PLXNA2: variants seen among roughly 807,000 people sequenced by gnomAD.
The protein encoded by PLXNA2 is plexin-A2.
In PLXNA2, 91 loss-of-function variants were observed where a neutral mutation model predicts 193.5. That is an observed-to-expected ratio of 0.47 (90% CI 0.40 to 0.56). The LOEUF is 0.56. Among genes scored for constraint, PLXNA2 ranks in the 20% least tolerant of loss-of-function variants. The probability of loss-of-function intolerance (pLI) is 0.00; values close to 1 mark genes in which losing one functional copy is unlikely to be tolerated. For missense variants in PLXNA2, 1,995 were observed against 2,503.2 expected, an observed-to-expected ratio of 0.80 and a Z score of 4.33; for synonymous variants, 997 against 1,027.3, an observed-to-expected ratio of 0.97 and a Z score of 0.56.
At chr1:208,032,262 C>T (rs1664527287) in intron 28 of PLXNA2, 1 of 408,268 alleles carries the variant, frequency 2.4e-6, no homozygotes, top group Non-Finnish European at 3.3e-6. Flanking sequence ...AGGGTCTAGA[C>T]TCAAGAACCA....
intron 4 of PLXNA2, among the ~76,000 whole-genome samples, chr1:208,105,135 G>T (rs992736509): frequency 1.6e-4 from 24 of 152,222 alleles, no homozygotes; most frequent in Non-Finnish European, 2.9e-4. Context: ...GAGAGGCGTT[G>T]CTCAACCAGA....
chr1:208,071,965 A>C (rs564994998), intron 12 of PLXNA2, among the ~76,000 whole-genome samples: 26 of 152,310 alleles, frequency 1.7e-4, no homozygotes, highest in African/African-American at 6.3e-4. Flanking sequence ...AAACAGTTTC[A>C]CAAATGCATT....
In PLXNA2 at chr1:208,152,681, A is replaced by G. The variant is rs77479511; in HGVS notation, c.1372-10218T>C. Among the ~76,000 whole-genome samples, 215 of 63,814 alleles carry G rather than the reference A, an allele frequency of 3.4e-3. 2 individuals carry two copies. Among genetic ancestry groups the G allele is most frequent in the Non-Finnish European group, 5.4e-3 (126 of 23,358 alleles). 41.9% of individuals were successfully genotyped at this position (63,814 alleles called of 152,430 possible). On this transcript the variant is annotated intron_variant, in intron 3 of 31. Transcript: ENST00000367033. Reference sequence around the variant, plus strand: ...CATGCATACACATACACACACACACACGCACACACACACACACACACACAC... The same window carrying G: ...CATGCATACACATACACACACACACGCGCACACACACACACACACACACAC...
chr1:208,103,573 G>T (rs1261315946), intron 4 of PLXNA2, among the ~76,000 whole-genome samples: 1 of 152,198 alleles, frequency 6.6e-6, no homozygotes, highest in African/African-American at 2.4e-5. Flanking sequence ...GGTTAACTCT[G>T]TTGAAAGGCT....
chr1:208,201,343 C>T (rs897183397), intron 3 of PLXNA2, among the ~76,000 whole-genome samples: 13 of 152,222 alleles, frequency 8.5e-5, no homozygotes, highest in African/African-American at 2.4e-4. Context: ...TTCAGCCCCA[C>T]CCTGGGGAGG....
rs763977223 is a variant in PLXNA2, at chr1:208,210,453, T to A, written c.1198A>T (p.Ile400Phe). 1 of 1,612,478 alleles carries A rather than the reference T, an allele frequency of 6.2e-7. No homozygotes were observed. Among genetic ancestry groups the A allele is most frequent in the Non-Finnish European group, 8.5e-7 (1 of 1,178,968 alleles). ...TCCAGTCCACAGAAGTTATCATCGA[T>A]GGGGACAGGCTGGAGGGAAGCGGAA... Reference protein sequence around the residue: ...DVQCTKAPVPIDDNFCGLDIN... With the variant: ...DVQCTKAPVPFDDNFCGLDIN... The change falls in exon 3 of 32, where the codon ATC becomes TTC. Residue 400 changes from isoleucine to phenylalanine, a missense_variant. Physicochemically the swap from Ile to Phe is conservative, Grantham distance 21 (BLOSUM62 0). Coordinates refer to ENST00000367033, the MANE Select transcript of PLXNA2 (RefSeq NM_025179.4).
Position 208,038,950 on chromosome 1 carries a change from C to T in PLXNA2, c.4535G>A (p.Ser1512Asn), listed in dbSNP as rs766788877. The T allele has an allele frequency of 6.2e-6, 10 of 1,614,076 alleles. No individual in the cohort carries two copies. The East Asian group carries it at 2.0e-4, about 32-fold the overall frequency. ...TAACACCTTCACTGGGATCTCTGGACTGTTCTCGTTGTCAGGGTTGACGCA... is the reference window on the plus strand; with the variant it reads ...TAACACCTTCACTGGGATCTCTGGATTGTTCTCGTTGTCAGGGTTGACGCA... Reference protein sequence around the residue: ...LNCVNPDNENSPEIPVKVLNC... With the variant: ...LNCVNPDNENNPEIPVKVLNC... The change falls in exon 25 of 32, where the codon AGT becomes AAT. Residue 1512 changes from serine (S) to asparagine (N), a missense_variant. By Grantham distance (46) the Ser-to-Asn change is conservative. Coordinates refer to ENST00000367033, the MANE Select transcript of PLXNA2 (RefSeq NM_025179.4). The surrounding 1 kb of genome is among the most constrained non-coding windows in gnomAD (Gnocchi z 4.1).
At chr1:208,069,375 G>A (rs1042673237) in intron 12 of PLXNA2, among the ~76,000 whole-genome samples, 3 of 152,190 alleles carry the variant, frequency 2.0e-5, no homozygotes, top group African/African-American at 7.2e-5. Flanking sequence ...GCCAGACCCT[G>A]TCATGTTTGT....
intron 1 of PLXNA2, among the ~76,000 whole-genome samples, chr1:208,232,883 C>T (rs1412765690): frequency 6.6e-6 from 1 of 152,248 alleles, no homozygotes; most frequent in Non-Finnish European, 1.5e-5. Context: ...CTTCATAACA[C>T]AGCCTTTTCC....
intron 1 of PLXNA2, among the ~76,000 whole-genome samples, chr1:208,232,931 A>C (rs1400764255): frequency 6.6e-6 from 1 of 152,182 alleles, no homozygotes; most frequent in African/African-American, 2.4e-5. Context: ...CAAAGAGGGA[A>C]CTCAAGCTTA....
chr1:208,024,319 C>G lies in PLXNA2; in HGVS notation c.*2924G>C, dbSNP rs777667482. 1 of 152,146 alleles carries G rather than the reference C, an allele frequency of 6.6e-6. No homozygotes were observed. Among genetic ancestry groups the G allele is most frequent in the Non-Finnish European group, 1.5e-5 (1 of 68,050 alleles). 9.4% of individuals were successfully genotyped at this position (152,146 alleles called of 1,614,324 possible). A position where few individuals can be genotyped will look rare whatever the true frequency, so the allele number is the denominator to read the frequency against. On this transcript the variant is annotated 3_prime_UTR_variant, in exon 32 of 32. Transcript: ENST00000367033. ...AACAGGGAGAAGAGAGGCCAACCAA[C>G]TCCCTCTTTTTCTCATCCAAAGGGT...
chr1:208,206,428 A>G (rs1219058696), intron 3 of PLXNA2, among the ~76,000 whole-genome samples: 2 of 152,214 alleles, frequency 1.3e-5, no homozygotes, highest in African/African-American at 4.8e-5. Flanking sequence ...CTTAGGGCTT[A>G]AAGCCTCACA....
chr1:208,157,540 G>A (rs1361223955), intron 3 of PLXNA2, among the ~76,000 whole-genome samples: 3 of 152,202 alleles, frequency 2.0e-5, no homozygotes, highest in African/African-American at 7.2e-5. Flanking sequence ...TTCTGAGTGA[G>A]GGTCTGGGCT....
chr1:208,156,116 G>C (rs1393162154), intron 3 of PLXNA2, among the ~76,000 whole-genome samples: 1 of 151,776 alleles, frequency 6.6e-6, no homozygotes, highest in African/African-American at 2.4e-5. Flanking sequence ...AAGAAAGGAG[G>C]GTTATGGATT....
chr1:208,061,046 C>T (rs1665604475), intron 12 of PLXNA2, among the ~76,000 whole-genome samples: 1 of 152,120 alleles, frequency 6.6e-6, no homozygotes, highest in African/African-American at 2.4e-5. Context: ...TTCCTCGGTT[C>T]TTTAAGTCAG....
chr1:208,140,566 T>C (rs978847479), intron 4 of PLXNA2, among the ~76,000 whole-genome samples: 3 of 152,184 alleles, frequency 2.0e-5, no homozygotes, highest in African/African-American at 7.2e-5. Flanking sequence ...CCAATATAGG[T>C]TGTCATCTAT....
In PLXNA2 at chr1:208,024,011, C is replaced by T. The variant is rs939763910; in HGVS notation, c.*3232G>A. On this transcript the variant is annotated 3_prime_UTR_variant, in exon 32 of 32. Coordinates refer to ENST00000367033, the MANE Select transcript of PLXNA2 (RefSeq NM_025179.4). ...GGTAGGACAGCAAGCACAGAAGCAC[C>T]TGACCCCATGCAGAGGACGGGAGGC... 1.3e-5 allele frequency: 2 copies of T among 152,432 alleles called. No individual in the cohort carries two copies. The highest frequency in any genetic ancestry group is 6.5e-5 in the Admixed American group (1 of 15,286). The allele number at this position is 152,432 out of a possible 1,614,324, so 9.4% of individuals were successfully genotyped here. A position where few individuals can be genotyped will look rare whatever the true frequency, so the allele number is the denominator to read the frequency against.
intron 4 of PLXNA2, among the ~76,000 whole-genome samples, chr1:208,116,843 G>A (rs189460323): frequency 1.2e-4 from 19 of 152,206 alleles, no homozygotes; most frequent in African/African-American, 4.3e-4. Context: ...TTCTGCCCCT[G>A]ACCCTGGATC....
intron 1 of PLXNA2, among the ~76,000 whole-genome samples, chr1:208,234,439 C>T (rs74155215): frequency 0.023 from 3,508 of 152,344 alleles, 149 homozygotes; most frequent in African/African-American, 0.08. Context: ...ATGTTTAGGA[C>T]TCTCCTCTCA....
Sources: allele counts gnomAD v4.1 joint callset (sites outside exome capture counted in the v4.1 genomes callset), GRCh38; gene constraint gnomAD v4.1.1; non-coding constraint Gnocchi (gnomAD v3.1); transcripts MANE v1.5; gene names NCBI Gene and HGNC (gene_info 2026-07-23, HGNC 2026-07-21).